The following FASTKD2 variants were observed in gnomAD, a reference collection of about 807,000 sequenced individuals.
FASTKD2 encodes the protein FAST kinase domains 2, also known as FAST kinase domain-containing protein 2, mitochondrial.
FASTKD2 carries 51 observed loss-of-function variants against 63.6 expected under a neutral mutation model. The ratio of observed to expected loss-of-function variants is 0.80; its 90% CI spans 0.64 to 1.01. FASTKD2 has a LOEUF of 1.01. Ranked by LOEUF, FASTKD2 falls within the 50% of genes least tolerant of loss-of-function variation. The pLI is 0.00. For synonymous variants in FASTKD2, 284 were observed against 293.4 expected, an observed-to-expected ratio of 0.97 and a Z score of 0.33; for missense variants, 786 against 831.1, an observed-to-expected ratio of 0.95 and a Z score of 0.67.
Position 206,767,443 on chromosome 2 carries a change from G to A in FASTKD2, c.750G>A (p.Leu250=), listed in dbSNP as rs774783757. ...VKLGIPQNTI[L]VQTLLRVTQE... is the part of the protein sequence containing the mutation. ...TTGGAATCCCTCAGAACACTATTTT[G>A]GTGCAGACTTTGCTGAGGGTGACCC... The change falls in exon 2 of 12, where the codon TTG becomes TTA. Residue 250 remains leucine, a synonymous_variant. Transcript: ENST00000402774. The A allele has an allele frequency of 1.2e-6, 2 of 1,611,992 alleles. No homozygotes were observed. The highest frequency in any genetic ancestry group is 2.2e-5 in the South Asian group (2 of 91,070).
intron 2 of FASTKD2, among the ~76,000 whole-genome samples, chr2:206,768,716 T>C (rs930048630): frequency 1.3e-5 from 2 of 152,140 alleles, no homozygotes; most frequent in Non-Finnish European, 2.9e-5. Context: ...ATAATAATAA[T>C]TTTTTAAAAG....
chr2:206,783,434 T>A (rs1690046824), intron 7 of FASTKD2: 1 of 153,054 alleles, frequency 6.5e-6, no homozygotes, highest in South Asian at 2.1e-4. Context: ...AGTAGACATT[T>A]AATAAAGGTC....
intron 1 of FASTKD2, 45 bp from the exon 2 acceptor site, chr2:206,766,599 G>A (rs1689485182): frequency 6.4e-6 from 7 of 1,086,762 alleles, no homozygotes; most frequent in Admixed American, 1.8e-5. Context: ...TTAAGTAAAA[G>A]TTTTGTTTTA....
intron 3 of FASTKD2, 90 bp from the exon 4 acceptor site, chr2:206,771,092 G>A (rs1304669068): frequency 2.6e-6 from 2 of 776,074 alleles, no homozygotes; most frequent in Non-Finnish European, 4.4e-6. Flanking sequence ...ATCCTTGCCT[G>A]TAAGAAGGGG....
At chr2:206,775,918 A>G (rs999706254) in intron 7 of FASTKD2, among the ~76,000 whole-genome samples, 4 of 151,698 alleles carry the variant, frequency 2.6e-5, no homozygotes, top group Non-Finnish European at 4.4e-5. Flanking sequence ...TTTTTTGATA[A>G]TGGCCGTCCT....
At chr2:206,786,680 C>T in intron 7 of FASTKD2, 53 bp from the exon 8 acceptor site, 1 of 1,477,596 alleles carries the variant, frequency 6.8e-7, no homozygotes. Flanking sequence ...GGAATCGTTA[C>T]AGATATTGGC....
At position 206,766,736 on chromosome 2, in the gene FASTKD2, A is replaced by G. The variant is rs752284309; in HGVS notation, c.43A>G (p.Ser15Gly). The G allele has an allele frequency of 5.0e-6, 8 of 1,614,026 alleles. No homozygotes were observed. The Admixed American group carries it at 1.3e-4, about 27-fold the overall frequency. The change falls in exon 2 of 12, where the codon AGC becomes GGC. Residue 15 changes from serine (S) to glycine (G), a missense_variant. Coordinates refer to ENST00000402774, the MANE Select transcript of FASTKD2 (RefSeq NM_001136193.2). ...LKPFGSVSVESKMNNKAGSFF... is the reference protein window; with the variant it reads ...LKPFGSVSVEGKMNNKAGSFF... ...GCCATTTGGAAGTGTTTCAGTGGAG[A>G]GCAAAATGAATAACAAAGCGGGCTC...
intron 6 of FASTKD2, among the ~76,000 whole-genome samples, chr2:206,773,061 T>A (rs1011930407): frequency 2.0e-5 from 3 of 152,158 alleles, no homozygotes; most frequent in South Asian, 4.1e-4. Flanking sequence ...ACGCCTGTAA[T>A]CCCAGCACTT....
Position 206,771,265 on chromosome 2 carries a change from C to A in FASTKD2, c.965C>A (p.Pro322Gln). ...ATGAAGTGTATTGGAAAAGATGCAC[C>A]GATTGCTCTTAAGAGGAAACTGGAG... ...VVMKCIGKDA[P>Q]IALKRKLEMK... Residue 322 changes from proline (P) to glutamine (Q), a missense_variant, in exon 4 of 12, where the codon CCG (proline) becomes CAG (glutamine). Coordinates refer to ENST00000402774, the MANE Select transcript of FASTKD2 (RefSeq NM_001136193.2). 1.2e-6 allele frequency: 2 copies of A among 1,607,020 alleles called. No homozygotes were observed. Among genetic ancestry groups the A allele is most frequent in the Non-Finnish European group, 1.7e-6 (2 of 1,173,782 alleles).
chr2:206,778,498 C>T (rs547526784), intron 7 of FASTKD2, among the ~76,000 whole-genome samples: 5 of 152,158 alleles, frequency 3.3e-5, no homozygotes, highest in African/African-American at 9.6e-5. Context: ...TCTTTGTGAT[C>T]CGAAAGGATA....
At chr2:206,766,554 C>G (rs1689481754) in intron 1 of FASTKD2, 90 bp from the exon 2 acceptor site, 1 of 774,482 alleles carries the variant, frequency 1.3e-6, no homozygotes, top group African/African-American at 1.8e-5. Context: ...CCATAGGTTC[C>G]CCATTTTCTC....
rs1215616530 is a variant in FASTKD2 at position 206,793,675 on chromosome 2, T to G, written c.*1873T>G. Among the ~76,000 whole-genome samples the G allele has an allele frequency of 4.6e-5, 7 of 152,208 alleles. No individual in the cohort carries two copies. The highest frequency in any genetic ancestry group is 2.9e-5 in the Non-Finnish European group (2 of 68,026). On this transcript the variant is annotated 3_prime_UTR_variant, in exon 12 of 12. Transcript: ENST00000402774. ...CTCCTCTTCAAAGGATTTGACAAAT[T>G]TGTGAATATTTATGACCACCTTTTA... is the stretch of plus-strand genomic sequence containing the variant.
At chr2:206,770,279 T>C in intron 3 of FASTKD2, 85 bp downstream of exon 3, 1 of 903,732 alleles carries the variant, frequency 1.1e-6, no homozygotes. Flanking sequence ...AAAACTAAAC[T>C]CCTTTCTTGA....
rs763577862 is a variant in FASTKD2 at position 206,790,558 on chromosome 2, A to T, written c.1899-14A>T. The T allele has an allele frequency of 6.8e-7, 1 of 1,463,802 alleles. No individual in the cohort carries two copies. The allele number at this position is 1,463,802 out of a possible 1,614,324, so 90.7% of individuals were successfully genotyped here. On this transcript the variant is annotated splice_polypyrimidine_tract_variant and intron_variant, in intron 10 of 11. Transcript: ENST00000402774. ...ATCAATAACTGTTCTTGTTTTGTTT[A>T]TTTTTGTTTTCAGAGTAGCTGTGCT...
intron 1 of FASTKD2, 135 bp downstream of exon 1, chr2:206,765,882 A>G (rs1287890134): frequency 6.6e-6 from 1 of 152,292 alleles, no homozygotes; most frequent in African/African-American, 2.4e-5. Flanking sequence ...ACGTGCAGAC[A>G]TCGCTTTCGT....
chr2:206,770,030 G>C, intron 2 of FASTKD2, 61 bp from the exon 3 acceptor site: 1 of 1,064,708 alleles, frequency 9.4e-7, no homozygotes, highest in Non-Finnish European at 1.5e-6. Context: ...GGTTTTGCTT[G>C]GGTAAGATAG....
At position 206,788,059 on chromosome 2, in the gene FASTKD2, C is replaced by T; in HGVS notation, c.1717C>T (p.His573Tyr). ...GCTGCCGCGGGAGCTGCCATCGTCACATACAAATGCAAAGGTGGCAGAGGT... is the reference window on the plus strand; with the variant it reads ...GCTGCCGCGGGAGCTGCCATCGTCATATACAAATGCAAAGGTGGCAGAGGT... Reference protein sequence around the residue: ...PQLPRELPSSHTNAKVAEVLS... With the variant: ...PQLPRELPSSYTNAKVAEVLS... The change falls in exon 9 of 12, where the codon CAT (histidine) becomes TAT (tyrosine). Residue 573 changes from histidine (H) to tyrosine (Y), a missense_variant. Transcript: ENST00000402774. The T allele has an allele frequency of 6.2e-7, 1 of 1,613,852 alleles. No homozygotes were observed. Among genetic ancestry groups the T allele is most frequent in the Non-Finnish European group, 8.5e-7 (1 of 1,179,838 alleles).
intron 8 of FASTKD2, 68 bp downstream of exon 8, chr2:206,786,967 ACT>A (rs1690154570): frequency 2.1e-6 from 2 of 961,726 alleles, no homozygotes. Context: ...CTACCATATG[ACT>A]CTGAATGGGG....
Position 206,786,858 on chromosome 2 carries a change from A to G in FASTKD2, c.1553A>G (p.Gln518Arg), listed in dbSNP as rs1690150724. 2.5e-6 allele frequency: 4 copies of G among 1,609,820 alleles called. No homozygotes were observed. Among genetic ancestry groups the G allele is most frequent in the Admixed American group, 3.3e-5 (2 of 59,864 alleles). The stretch of plus-strand genomic sequence containing the variant: ...TACTTTCCCCTGGCTCCTTTTAATC[A>G]GCTTCTGCAAAAAGACATCATCAGT... ...MNYFPLAPFN[Q>R]LLQKDIISEL... Residue 518 changes from glutamine (Q) to arginine (R), a missense_variant, in exon 8 of 12, where the codon CAG (glutamine) becomes CGG (arginine). Transcript: ENST00000402774.
Sources: gnomAD v4.1 joint callset for allele counts (sites outside exome capture counted in the v4.1 genomes callset) on GRCh38, gnomAD v4.1.1 for gene constraint, MANE v1.5 for transcripts, NCBI Gene and HGNC (gene_info 2026-07-23, HGNC 2026-07-21) for gene names.